Variants in CDC42BPA observed in about 807,000 individuals in gnomAD.
CDC42BPA encodes the protein CDC42 binding protein kinase alpha, also known as serine/threonine-protein kinase MRCK alpha.
A neutral mutation model predicts 223.5 loss-of-function variants in CDC42BPA; 80 were observed. That is an observed-to-expected ratio of 0.36 (90% CI 0.30 to 0.43). The LOEUF is 0.43. CDC42BPA is among the 20% of genes least tolerant of loss of function. CDC42BPA has a pLI of 1.00. For synonymous variants in CDC42BPA, 694 were observed against 718.6 expected (o/e 0.97, Z 0.55); for missense variants, 1,743 against 2,099.9 (o/e 0.83, Z 3.32).
chr1:227,243,836 G>A (rs1572593507), intron 2 of CDC42BPA, among the ~76,000 whole-genome samples: 1 of 150,964 alleles, frequency 6.6e-6, no homozygotes. Context: ...AGAATATGAC[G>A]ATAAGTCAGA....
intron 31 of CDC42BPA, among the ~76,000 whole-genome samples, chr1:227,024,829 A>G (rs1352246875): frequency 1.3e-5 from 2 of 152,250 alleles, no homozygotes; most frequent in African/African-American, 4.8e-5. Flanking sequence ...GTTTGCAGTT[A>G]TATGAGTGAT....
At chr1:227,230,022 T>G (rs79482909) in intron 2 of CDC42BPA, among the ~76,000 whole-genome samples, 3,164 of 152,310 alleles carry the variant, frequency 0.021, 124 homozygotes, top group African/African-American at 0.072. Context: ...TCTTTACACC[T>G]AAAGGTGATA....
intron 16 of CDC42BPA, among the ~76,000 whole-genome samples, chr1:227,089,001 C>T (rs1473266367): frequency 6.6e-6 from 1 of 152,170 alleles, no homozygotes; most frequent in Non-Finnish European, 1.5e-5. Flanking sequence ...GCTGGGATTA[C>T]AGGTGTGAGC....
intron 1 of CDC42BPA, among the ~76,000 whole-genome samples, chr1:227,289,340 G>A (rs1363758293): frequency 6.6e-6 from 1 of 152,080 alleles, no homozygotes; most frequent in East Asian, 1.9e-4. Context: ...TCCATCTTAA[G>A]GACCCAGCAC....
intron 17 of CDC42BPA, 57 bp downstream of exon 17, chr1:227,080,836 C>A (rs140743861): frequency 3.1e-6 from 5 of 1,597,442 alleles, no homozygotes; most frequent in Non-Finnish European, 4.3e-6. Flanking sequence ...GGAATTCATA[C>A]CAACTTGGCC....
chr1:227,230,820 C>CTTTTTTTT (rs1198828997), intron 2 of CDC42BPA, among the ~76,000 whole-genome samples: 4 of 91,596 alleles, frequency 4.4e-5, no homozygotes, highest in Non-Finnish European at 8.4e-5. Context: ...TTCTTTCTTT[C>CTTTTTTTT]TTTTTTTTTT....
At chr1:227,009,172 C>A (rs1219880665) in intron 34 of CDC42BPA, among the ~76,000 whole-genome samples, 1 of 152,080 alleles carries the variant, frequency 6.6e-6, no homozygotes, top group Non-Finnish European at 1.5e-5. Context: ...AGCTTTATTA[C>A]TTAGGCTGAA....
chr1:227,255,138 G>A (rs566207338), intron 1 of CDC42BPA, among the ~76,000 whole-genome samples: 1 of 152,296 alleles, frequency 6.6e-6, no homozygotes, highest in South Asian at 2.1e-4. Flanking sequence ...CTGCCTCTAA[G>A]AGAAGTTTAA....
At chr1:227,299,265 T>G (rs1691231170) in intron 1 of CDC42BPA, among the ~76,000 whole-genome samples, 2 of 152,212 alleles carry the variant, frequency 1.3e-5, no homozygotes, top group South Asian at 2.1e-4. Flanking sequence ...AATTTAATTG[T>G]CTGTTAAAAA....
intron 5 of CDC42BPA, among the ~76,000 whole-genome samples, chr1:227,184,770 A>G (rs12035986): frequency 0.21 from 31,241 of 152,170 alleles, 3,326 homozygotes; most frequent in East Asian, 0.26. Flanking sequence ...ACATGAAAAA[A>G]AAATAAAGAA....
chr1:227,093,348 G>C (rs1014735524), intron 15 of CDC42BPA, among the ~76,000 whole-genome samples: 2 of 152,166 alleles, frequency 1.3e-5, no homozygotes, highest in African/African-American at 4.8e-5. Flanking sequence ...TAGGCTAAGG[G>C]TGTGGATTCA....
chr1:227,026,210 T>C (rs2148612322), intron 30 of CDC42BPA, 58 bp from the exon 31 acceptor site: 1 of 913,454 alleles, frequency 1.1e-6, no homozygotes. Context: ...AAACCCCAAA[T>C]ATTTTGAAAG....
In CDC42BPA at chr1:227,236,727, C is replaced by G. The variant is rs117633699; in HGVS notation, c.270+17337G>C. On this transcript the variant is annotated intron_variant, in intron 2 of 36. Transcript: ENST00000366766. ...TACAGCCCTACCCGATCACAACCCC[C>G]ACCTTTCCAATGGAGTTAACCATGA... 1.2e-3 allele frequency among the ~76,000 whole-genome samples: 183 copies of G among 152,226 alleles called. 4 individuals carry two copies. In the East Asian group the frequency reaches 0.027, roughly 22 times the overall value.
chr1:227,107,822 T>G (rs1178909068), intron 14 of CDC42BPA, among the ~76,000 whole-genome samples: 2 of 152,150 alleles, frequency 1.3e-5, no homozygotes, highest in African/African-American at 4.8e-5. Flanking sequence ...ACTGGGTTAT[T>G]TGTATCCTTC....
At chr1:227,013,383 T>C (rs1665582050) in intron 34 of CDC42BPA, among the ~76,000 whole-genome samples, 1 of 151,966 alleles carries the variant, frequency 6.6e-6, no homozygotes, top group South Asian at 2.1e-4. Flanking sequence ...TACAGATTTT[T>C]TCTTTTTATC....
chr1:227,122,136 A>G (rs957292762), intron 11 of CDC42BPA, among the ~76,000 whole-genome samples: 2 of 152,170 alleles, frequency 1.3e-5, no homozygotes, highest in African/African-American at 4.8e-5. Flanking sequence ...ATATTAATTT[A>G]CTTTTGTTAT....
At chr1:227,138,970 A>C (rs1659174714) in intron 10 of CDC42BPA, among the ~76,000 whole-genome samples, 1 of 152,130 alleles carries the variant, frequency 6.6e-6, no homozygotes, top group Admixed American at 6.6e-5. Context: ...AAGGGGTCAG[A>C]GAGAGAGCAC....
chr1:227,129,221 C>T lies in CDC42BPA; in HGVS notation c.1401G>A (p.Gln467=), dbSNP rs757713795. The change falls in exon 11 of 37, where the codon CAG becomes CAA. Residue 467 remains glutamine, a synonymous_variant. Transcript: ENST00000366766. Reference sequence around the variant, plus strand: ...TTGAATACTGCAGAGCTTGGACAGTCTGTGTTGACTCTTTAAAAAAAAGGA... The same window carrying T: ...TTGAATACTGCAGAGCTTGGACAGTTTGTGTTGACTCTTTAAAAAAAAGGA... ...ELSRKLQEST[Q]TVQALQYSTV... 2 of 1,572,956 alleles carry T rather than the reference C, an allele frequency of 1.3e-6. No homozygotes were observed. Among genetic ancestry groups the T allele is most frequent in the Non-Finnish European group, 1.7e-6 (2 of 1,163,696 alleles).
intron 22 of CDC42BPA, among the ~76,000 whole-genome samples, 154 bp downstream of exon 22, chr1:227,051,727 T>C (rs1673560158): frequency 6.6e-6 from 1 of 152,226 alleles, no homozygotes; most frequent in Non-Finnish European, 1.5e-5. Context: ...GTTTTTTACT[T>C]CTACCTACAT....
Sources: allele counts gnomAD v4.1 joint callset (sites outside exome capture counted in the v4.1 genomes callset), GRCh38; gene constraint gnomAD v4.1.1; transcripts MANE v1.5; gene names NCBI Gene and HGNC (gene_info 2026-07-23, HGNC 2026-07-21).